NTN1: variants seen among roughly 807,000 people sequenced by gnomAD.
NTN1 encodes netrin 1.
Under a neutral mutation model 54.2 loss-of-function variants are expected in NTN1, and 11 were observed. The observed-to-expected ratio is 0.20, with a 90% confidence interval of 0.13 to 0.34. The LOEUF (loss-of-function observed/expected upper bound fraction) is 0.34. Among genes scored for constraint, NTN1 ranks in the 10% least tolerant of loss-of-function variants. NTN1 has a pLI of 1.00. For missense variants in NTN1, 740 were observed against 893.1 expected, an observed-to-expected ratio of 0.83 and a Z score of 2.18; for synonymous variants, 371 against 382.0, an observed-to-expected ratio of 0.97 and a Z score of 0.33.
intron 4 of NTN1, among the ~76,000 whole-genome samples, chr17:9,181,930 G>C (rs1458772409): frequency 6.6e-6 from 1 of 152,210 alleles, no homozygotes; most frequent in Non-Finnish European, 1.5e-5. Flanking sequence ...CTTGAGCACA[G>C]GGTGGGGTCT....
At chr17:9,005,859 C>G in the NTN1 span, among the ~76,000 whole-genome samples, 2 of 152,194 alleles carry the variant, frequency 1.3e-5, no homozygotes, top group African/African-American at 4.8e-5. Flanking sequence ...AGTCCCCAAA[C>G]CCAGGGGCCT....
At chr17:9,144,970 C>G (rs1354404202) in intron 2 of NTN1, among the ~76,000 whole-genome samples, 1 of 152,236 alleles carries the variant, frequency 6.6e-6, no homozygotes, top group Non-Finnish European at 1.5e-5. Flanking sequence ...TACCCCACAG[C>G]TATCTCCAGC....
At chr17:9,196,044 C>G (rs1451277810) in intron 5 of NTN1, among the ~76,000 whole-genome samples, 1 of 151,992 alleles carries the variant, frequency 6.6e-6, no homozygotes, top group African/African-American at 2.4e-5. Context: ...GGCCCCTTCT[C>G]AGCTCAAAAT....
At chr17:9,192,386 C>T (rs1904486397) in intron 5 of NTN1, among the ~76,000 whole-genome samples, 1 of 152,164 alleles carries the variant, frequency 6.6e-6, no homozygotes, top group Non-Finnish European at 1.5e-5. Flanking sequence ...ACAAGTGACA[C>T]AACACATTAC....
chr17:9,204,290 T>TTCTC lies in NTN1; in HGVS notation c.1412-16862_1412-16859dup, dbSNP rs72069347. On this transcript the variant is annotated intron_variant, in intron 5 of 6. Coordinates refer to ENST00000173229, the MANE Select transcript of NTN1 (RefSeq NM_004822.3). Reference sequence around the variant, plus strand: ...CTTCTCTCTCTCTTTCTCTATCTCTTTCTCTCTCTCTCTCTCTCTTTCTTT... The same window carrying TTCTC: ...CTTCTCTCTCTCTTTCTCTATCTCTTTCTCTCTCTCTCTCTCTCTCTCTTTCTTT... 2.3e-4 allele frequency among the ~76,000 whole-genome samples: 33 copies of TTCTC among 143,548 alleles called. No homozygotes were observed. The East Asian group carries it at 5.0e-3, about 22-fold the overall frequency. 94.2% of individuals were successfully genotyped at this position (143,548 alleles called of 152,430 possible).
chr17:9,012,909 T>G, the NTN1 span, among the ~76,000 whole-genome samples: 1 of 152,248 alleles, frequency 6.6e-6, no homozygotes, highest in East Asian at 1.9e-4. Context: ...GCTTTTTATT[T>G]TCTTTTACTT....
At chr17:9,183,343 A>T in intron 5 of NTN1, 1 of 521,218 alleles carries the variant, frequency 1.9e-6, no homozygotes, top group African/African-American at 1.9e-5. Context: ...ATACAGAAGG[A>T]GGCTTGGGCA....
intron 2 of NTN1, among the ~76,000 whole-genome samples, chr17:9,054,496 A>G (rs2091971902): frequency 6.6e-6 from 1 of 152,182 alleles, no homozygotes; most frequent in African/African-American, 2.4e-5. Context: ...TATAATGGGG[A>G]TATTCATCTT....
chr17:9,073,316 C>G (rs982232962), intron 2 of NTN1, among the ~76,000 whole-genome samples: 1 of 152,182 alleles, frequency 6.6e-6, no homozygotes, highest in African/African-American at 2.4e-5. Context: ...GAGAGTTGAA[C>G]CTGAACATGA....
intron 3 of NTN1, among the ~76,000 whole-genome samples, chr17:9,170,454 C>T (rs2092384385): frequency 6.6e-6 from 1 of 152,192 alleles, no homozygotes; most frequent in African/African-American, 2.4e-5. Context: ...AGAACCGGCC[C>T]CTCTTGCTTG....
At chr17:9,202,400 C>T (rs1484689349) in intron 5 of NTN1, among the ~76,000 whole-genome samples, 1 of 152,168 alleles carries the variant, frequency 6.6e-6, no homozygotes, top group Non-Finnish European at 1.5e-5. Flanking sequence ...TTTGTGAGGG[C>T]AGCTGCGTCT....
At chr17:9,102,992 G>T (rs957341465) in intron 2 of NTN1, among the ~76,000 whole-genome samples, 5 of 152,204 alleles carry the variant, frequency 3.3e-5, no homozygotes, top group Admixed American at 2.0e-4. Flanking sequence ...GGAGGTGGCA[G>T]GAGGTGGCTT....
At chr17:9,139,375 C>T (rs1451735042) in intron 2 of NTN1, among the ~76,000 whole-genome samples, 2 of 152,160 alleles carry the variant, frequency 1.3e-5, no homozygotes, top group Non-Finnish European at 2.9e-5. Context: ...TCATACCTGG[C>T]ACCTTCCCTC....
At chr17:9,003,364 G>A in the NTN1 span, among the ~76,000 whole-genome samples, 1 of 151,824 alleles carries the variant, frequency 6.6e-6, no homozygotes, top group Admixed American at 6.6e-5. This position sits in a 1 kb window ranked among gnomAD's most constrained non-coding sequence, Gnocchi z 7.4. Context: ...GCGGTGCGTG[G>A]AAAAGTAGGC....
intron 2 of NTN1, among the ~76,000 whole-genome samples, chr17:9,069,526 A>G (rs1401513231): frequency 1.3e-5 from 2 of 152,244 alleles, no homozygotes. Flanking sequence ...AAAACAAAAT[A>G]ATGAAGCCAA....
intron 2 of NTN1, among the ~76,000 whole-genome samples, chr17:9,126,065 A>T (rs77307437): frequency 7.2e-5 from 11 of 152,266 alleles, no homozygotes; most frequent in African/African-American, 9.6e-5. Flanking sequence ...CAGAGTCAGG[A>T]TGGCTGAATG....
chr17:9,195,932 A>G (rs11650772), intron 5 of NTN1, among the ~76,000 whole-genome samples: 45,138 of 152,106 alleles, frequency 0.3, 7,242 homozygotes, highest in East Asian at 0.54. Flanking sequence ...ATGGGTTTTG[A>G]GTATTTCACC....
chr17:9,119,239 G>GT (rs1217454625), intron 2 of NTN1, among the ~76,000 whole-genome samples: 2 of 152,118 alleles, frequency 1.3e-5, no homozygotes, highest in Admixed American at 6.5e-5. Context: ...TCAGGCTGGA[G>GT]TGCAATGGTG....
chr17:9,092,391 G>A (rs983901685), intron 2 of NTN1, among the ~76,000 whole-genome samples: 17 of 137,602 alleles, frequency 1.2e-4, no homozygotes, highest in East Asian at 1.2e-3. Flanking sequence ...AGATTCAAGC[G>A]ATTCTCATGT....
Sources: allele counts gnomAD v4.1 joint callset (sites outside exome capture counted in the v4.1 genomes callset), GRCh38; gene constraint gnomAD v4.1.1; non-coding constraint Gnocchi (gnomAD v3.1); transcripts MANE v1.5; gene names NCBI Gene and HGNC (gene_info 2026-07-23, HGNC 2026-07-21).